The following CNTNAP2 variants were observed in gnomAD, a reference collection of about 807,000 sequenced individuals.
The protein encoded by CNTNAP2 is contactin associated protein 2.
Under a neutral mutation model 155.2 loss-of-function variants are expected in CNTNAP2, and 98 were observed. The ratio of observed to expected loss-of-function variants is 0.63; its 90% CI spans 0.54 to 0.75. CNTNAP2 has a LOEUF of 0.75. Among genes scored for constraint, CNTNAP2 ranks in the 30% least tolerant of loss-of-function variants. The pLI is 0.00. For missense variants in CNTNAP2, 1,727 were observed against 1,688.1 expected (o/e 1.02, Z -0.40); for synonymous variants, 651 against 631.2 (o/e 1.03, Z -0.47).
At chr7:147,982,668 C>A (rs1044998314) in intron 15 of CNTNAP2, among the ~76,000 whole-genome samples, 3 of 151,978 alleles carry the variant, frequency 2.0e-5, no homozygotes, top group Non-Finnish European at 4.4e-5. Context: ...AGGCCATTAT[C>A]TTTTTTTTGC....
At chr7:147,670,053 T>C (rs1380157391) in intron 13 of CNTNAP2, among the ~76,000 whole-genome samples, 1 of 152,208 alleles carries the variant, frequency 6.6e-6, no homozygotes, top group East Asian at 1.9e-4. Flanking sequence ...CTTTCATGTA[T>C]TGAAACTTTT....
At chr7:147,193,298 T>A (rs1395855429) in intron 8 of CNTNAP2, among the ~76,000 whole-genome samples, 1 of 152,210 alleles carries the variant, frequency 6.6e-6, no homozygotes, top group Non-Finnish European at 1.5e-5. Context: ...AAGTAGGCAA[T>A]GAGCTGGATT....
intron 8 of CNTNAP2, among the ~76,000 whole-genome samples, chr7:147,183,526 G>T (rs146057855): frequency 2.0e-5 from 3 of 152,156 alleles, no homozygotes; most frequent in East Asian, 1.9e-4. Flanking sequence ...GCATGCCAGA[G>T]CTATTCATTG....
In CNTNAP2 at chr7:147,334,834, G is replaced by A. The variant is rs545077749; in HGVS notation, c.1498+34544G>A. Among the ~76,000 whole-genome samples the A allele has an allele frequency of 2.6e-5, 4 of 152,230 alleles. No homozygotes were observed. In the South Asian group the frequency reaches 8.3e-4, roughly 32 times the overall value. On this transcript the variant is annotated intron_variant, in intron 9 of 23. Transcript: ENST00000361727. ...GTTTTTCTCTCCCAGGTTAGTGTTG[G>A]TAAACAAAGATACATATAGGGATAT... is the stretch of plus-strand genomic sequence containing the variant.
chr7:147,133,108 A>G (rs1488355146), intron 8 of CNTNAP2, among the ~76,000 whole-genome samples: 1 of 152,160 alleles, frequency 6.6e-6, no homozygotes, highest in Non-Finnish European at 1.5e-5. Flanking sequence ...TAGTGATATG[A>G]CAAATAGAGG....
In CNTNAP2 at chr7:147,192,139, GC is replaced by G. The variant is rs1472731201; in HGVS notation, c.1348+59631del. Among the ~76,000 whole-genome samples, 4 of 152,156 alleles carry G rather than the reference GC, an allele frequency of 2.6e-5. No homozygotes were observed. In the South Asian group the frequency reaches 6.2e-4, roughly 24 times the overall value. On this transcript the variant is annotated intron_variant, in intron 8 of 23. Coordinates refer to ENST00000361727, the MANE Select transcript of CNTNAP2 (RefSeq NM_014141.6). ...GAAGTAAAATAGTCATTTGGTCTCA[GC>G]AAGACTCTCAACACCAGCCAAAGCA...
intron 1 of CNTNAP2, among the ~76,000 whole-genome samples, chr7:146,550,464 G>C (rs1041012389): frequency 4.0e-5 from 5 of 124,948 alleles, no homozygotes; most frequent in Non-Finnish European, 6.3e-5. Context: ...TAATATGGGT[G>C]CTTGGGAAAC....
intron 12 of CNTNAP2, among the ~76,000 whole-genome samples, chr7:147,574,468 G>T (rs1800350739): frequency 6.6e-6 from 1 of 152,044 alleles, no homozygotes; most frequent in Admixed American, 6.6e-5. Context: ...CTTGTGAATA[G>T]CTCTTCCTTT....
At chr7:146,325,783 T>G (rs1301849397) in intron 1 of CNTNAP2, among the ~76,000 whole-genome samples, 1 of 152,156 alleles carries the variant, frequency 6.6e-6, no homozygotes, top group Non-Finnish European at 1.5e-5. Context: ...AAAAAAAACT[T>G]TAACATTTAA....
chr7:147,272,033 C>T (rs1420686782), intron 8 of CNTNAP2, among the ~76,000 whole-genome samples: 1 of 152,134 alleles, frequency 6.6e-6, no homozygotes, highest in Admixed American at 6.5e-5. Flanking sequence ...GCTAGGATTA[C>T]TGGTGCCCAC....
intron 1 of CNTNAP2, among the ~76,000 whole-genome samples, chr7:146,426,011 C>A (rs543989513): frequency 6.6e-6 from 1 of 151,670 alleles, no homozygotes; most frequent in East Asian, 1.9e-4. Flanking sequence ...CATGGTAAAA[C>A]CCCATCTCTA....
At chr7:148,374,919 A>G (rs1471395869) in intron 21 of CNTNAP2, among the ~76,000 whole-genome samples, 1 of 152,228 alleles carries the variant, frequency 6.6e-6, no homozygotes, top group Admixed American at 6.5e-5. Flanking sequence ...GGTTTGAGTG[A>G]CAGGTACATC....
At chr7:146,691,211 AT>A (rs996861259) in intron 1 of CNTNAP2, among the ~76,000 whole-genome samples, 2 of 151,654 alleles carry the variant, frequency 1.3e-5, no homozygotes, top group African/African-American at 4.8e-5. Context: ...AATGATAAAT[AT>A]AAAGCCACTA....
At chr7:147,043,252 C>T (rs1799293386) in intron 3 of CNTNAP2, among the ~76,000 whole-genome samples, 2 of 150,932 alleles carry the variant, frequency 1.3e-5, no homozygotes, top group East Asian at 1.9e-4. Flanking sequence ...TTGTTCTCCG[C>T]TGAGAGGAAA....
At chr7:146,904,320 T>C (rs577079783) in intron 3 of CNTNAP2, among the ~76,000 whole-genome samples, 1 of 152,256 alleles carries the variant, frequency 6.6e-6, no homozygotes, top group South Asian at 2.1e-4. Context: ...GAAGACCCTC[T>C]ATAGAATTGT....
chr7:147,734,647 G>T (rs796247630), intron 13 of CNTNAP2, among the ~76,000 whole-genome samples: 6 of 152,298 alleles, frequency 3.9e-5, no homozygotes, highest in African/African-American at 1.4e-4. Flanking sequence ...GTCTGGTCCT[G>T]CACATTTTTT....
intron 2 of CNTNAP2, among the ~76,000 whole-genome samples, chr7:146,792,173 A>T (rs1802686539): frequency 6.6e-6 from 1 of 152,186 alleles, no homozygotes; most frequent in Non-Finnish European, 1.5e-5. Context: ...ACACTTATGT[A>T]ACTCTGAGTT....
chr7:147,449,591 G>T (rs1343671026), intron 10 of CNTNAP2, among the ~76,000 whole-genome samples: 1 of 152,142 alleles, frequency 6.6e-6, no homozygotes, highest in African/African-American at 2.4e-5. Context: ...TTTCTCAGAG[G>T]AAGTCTCAGA....
Position 146,485,235 on chromosome 7 carries a change from TCAC to T in CNTNAP2, c.98-289033_98-289031del, listed in dbSNP as rs540179675. ...AAATAAAACAGAGAGTGGAAAAAAATCACCATCATCAAGCAGCCTTTATTAACC... is the reference window on the plus strand; with the variant it reads ...AAATAAAACAGAGAGTGGAAAAAAATCATCATCAAGCAGCCTTTATTAACC... On this transcript the variant is annotated intron_variant, in intron 1 of 23. Coordinates refer to ENST00000361727, the MANE Select transcript of CNTNAP2 (RefSeq NM_014141.6). Among the ~76,000 whole-genome samples, 273 of 151,918 alleles carry T rather than the reference TCAC, an allele frequency of 1.8e-3. 1 individual carries two copies. The highest frequency in any genetic ancestry group is 5.8e-3 in the African/African-American group (242 of 41,446).
Sources: allele counts gnomAD v4.1 joint callset (sites outside exome capture counted in the v4.1 genomes callset), GRCh38; gene constraint gnomAD v4.1.1; transcripts MANE v1.5; gene names NCBI Gene and HGNC (gene_info 2026-07-23, HGNC 2026-07-21).